Variants in TESK2 observed in about 807,000 individuals in gnomAD.
The protein encoded by TESK2 is dual specificity testis-specific protein kinase 2.
TESK2 carries 39 observed loss-of-function variants against 57.1 expected under a neutral mutation model. The ratio of observed to expected loss-of-function variants is 0.68; its 90% CI spans 0.53 to 0.89. TESK2 has a LOEUF of 0.89. Ranked by LOEUF, TESK2 falls within the 40% of genes least tolerant of loss-of-function variation. The pLI, the probability that TESK2 is intolerant of heterozygous loss-of-function variation, is 0.00. For synonymous variants in TESK2, 249 were observed against 267.9 expected (o/e 0.93, Z 0.69); for missense variants, 646 against 732.1 (o/e 0.88, Z 1.36).
intron 2 of TESK2, among the ~76,000 whole-genome samples, chr1:45,453,890 A>C (rs966380247): frequency 3.9e-5 from 6 of 152,198 alleles, no homozygotes; most frequent in Non-Finnish European, 5.9e-5. Flanking sequence ...GAAGATATAC[A>C]AAAAAGGTCA....
intron 2 of TESK2, among the ~76,000 whole-genome samples, chr1:45,436,202 T>TTTTTTTTTTTTTTTTTTTTG (rs57144942): frequency 7.8e-6 from 1 of 128,604 alleles, no homozygotes. Context: ...TTTTTTTTTT[T>TTTTTTTTTTTTTTTTTTTTG]GAGATGGAGA....
intron 3 of TESK2, among the ~76,000 whole-genome samples, chr1:45,394,323 CTTTT>C (rs35459050): frequency 1.2e-4 from 14 of 115,128 alleles, no homozygotes; most frequent in African/African-American, 2.4e-4. Context: ...CCACAGCTGG[CTTTT>C]TTTTTTTTTT....
At chr1:45,448,057 G>A (rs1430550559) in intron 2 of TESK2, among the ~76,000 whole-genome samples, 1 of 145,852 alleles carries the variant, frequency 6.9e-6, no homozygotes, top group Non-Finnish European at 1.5e-5. Context: ...TTTTTTGGTA[G>A]AGACCTTGTG....
In TESK2 at chr1:45,345,082, T is replaced by A; in HGVS notation, c.1474A>T (p.Arg492Ter). ...CGGAATGGTGGGATCTCTTTAACTCTGTACTTGAGACTACTTAGGCGTGGT... is the reference window on the plus strand; with the variant it reads ...CGGAATGGTGGGATCTCTTTAACTCAGTACTTGAGACTACTTAGGCGTGGT... ...PPPRLSSLKY[R>*]VKEIPPFRAS... The change falls in exon 11 of 11, where the codon AGA (arginine) becomes TGA (stop). Residue 492 changes from arginine to a stop codon, truncating the protein, a stop_gained. Transcript: ENST00000372086. LOFTEE classifies it high-confidence loss of function. 1 of 1,614,212 alleles carries A rather than the reference T, an allele frequency of 6.2e-7. No homozygotes were observed.
intron 2 of TESK2, among the ~76,000 whole-genome samples, chr1:45,455,472 G>A (rs1410356381): frequency 6.6e-6 from 1 of 152,160 alleles, no homozygotes; most frequent in African/African-American, 2.4e-5. Flanking sequence ...ATGAATTTGA[G>A]GTTTTCCTCC....
At chr1:45,467,087 CAA>C (rs1652582737) in intron 1 of TESK2, among the ~76,000 whole-genome samples, 1 of 152,018 alleles carries the variant, frequency 6.6e-6, no homozygotes. Flanking sequence ...GAAAGGGAAA[CAA>C]AAGAGACATC....
In TESK2 at chr1:45,347,291, C is replaced by T. The variant is rs184360175; in HGVS notation, c.709-229G>A. On this transcript the variant is annotated intron_variant, in intron 7 of 10. Coordinates refer to ENST00000372086, the MANE Select transcript of TESK2 (RefSeq NM_007170.3). ...TGGATTCTAGGGAGAATCAGCCGAGCGCGATGGCTCATGCCTGTAATCCCA... is the reference window on the plus strand; with the variant it reads ...TGGATTCTAGGGAGAATCAGCCGAGTGCGATGGCTCATGCCTGTAATCCCA... Among the ~76,000 whole-genome samples, 829 of 152,218 alleles carry T rather than the reference C, an allele frequency of 5.4e-3. 16 individuals are homozygous for T. Among genetic ancestry groups the T allele is most frequent in the Admixed American group, 0.035 (529 of 15,292 alleles).
intron 2 of TESK2, among the ~76,000 whole-genome samples, chr1:45,438,307 C>T (rs1651310322): frequency 1.3e-5 from 2 of 151,968 alleles, no homozygotes; most frequent in Admixed American, 6.6e-5. Flanking sequence ...ACCAACCTGG[C>T]CAACATGGTG....
At chr1:45,414,730 C>T (rs1277955256) in intron 3 of TESK2, among the ~76,000 whole-genome samples, 3 of 152,162 alleles carry the variant, frequency 2.0e-5, no homozygotes, top group Admixed American at 6.5e-5. Flanking sequence ...TAGGCACTAG[C>T]TTCATGTGGC....
intron 3 of TESK2, among the ~76,000 whole-genome samples, chr1:45,412,573 T>C (rs2149283964): frequency 6.6e-6 from 1 of 152,312 alleles, no homozygotes; most frequent in East Asian, 1.9e-4. Flanking sequence ...CTTGCATTAA[T>C]CATGATATTA....
At chr1:45,417,692 C>T (rs759073191) in intron 3 of TESK2, among the ~76,000 whole-genome samples, 12 of 151,520 alleles carry the variant, frequency 7.9e-5, no homozygotes, top group African/African-American at 1.5e-4. Flanking sequence ...CCAGGGTTCA[C>T]GCCATTCTCC....
Position 45,401,875 on chromosome 1 carries a change from T to C in TESK2, c.345-15915A>G, listed in dbSNP as rs1649638266. On this transcript the variant is annotated intron_variant, in intron 3 of 10. Coordinates refer to ENST00000372086, the MANE Select transcript of TESK2 (RefSeq NM_007170.3). ...TTTACAAGCTTTTCTGCTGCCAACGTTGAGCAGTAAGCAGCATACATATCA... is the reference window on the plus strand; with the variant it reads ...TTTACAAGCTTTTCTGCTGCCAACGCTGAGCAGTAAGCAGCATACATATCA... Among the ~76,000 whole-genome samples, 7 of 152,224 alleles carry C rather than the reference T, an allele frequency of 4.6e-5. No individual in the cohort carries two copies. In the South Asian group the frequency reaches 1.5e-3, roughly 32 times the overall value.
chr1:45,352,766 A>G (rs1343187413), intron 5 of TESK2, among the ~76,000 whole-genome samples: 7 of 152,070 alleles, frequency 4.6e-5, no homozygotes, highest in Admixed American at 4.6e-4. Context: ...GTATCTGTGT[A>G]ACTGATACAT....
intron 3 of TESK2, among the ~76,000 whole-genome samples, chr1:45,398,542 G>A (rs190717709): frequency 1.3e-3 from 190 of 151,948 alleles, no homozygotes; most frequent in African/African-American, 4.3e-3. Flanking sequence ...GCAAGCCTCC[G>A]TTTCAAAAAA....
intron 4 of TESK2, among the ~76,000 whole-genome samples, chr1:45,358,174 G>A (rs1449223100): frequency 1.3e-5 from 2 of 151,782 alleles, no homozygotes; most frequent in African/African-American, 2.4e-5. Flanking sequence ...TTAGCCGGGC[G>A]TGGTTGCAGG....
intron 4 of TESK2, among the ~76,000 whole-genome samples, chr1:45,357,202 T>C (rs1377920199): frequency 1.2e-5 from 1 of 85,638 alleles, no homozygotes; most frequent in Non-Finnish European, 2.8e-5. Context: ...ATCTCATAAA[T>C]AAATAAATAA....
At position 45,356,507 on chromosome 1, in the gene TESK2, AG is replaced by A. The variant is rs1437697724; in HGVS notation, c.394-1059del. 1.1e-4 allele frequency among the ~76,000 whole-genome samples: 16 copies of A among 151,820 alleles called. 1 individual carries two copies. The highest frequency in any genetic ancestry group is 1.9e-4 in the Non-Finnish European group (13 of 67,984). The stretch of plus-strand genomic sequence containing the variant: ...GCTGGACGTGATGGTGCACACATGT[AG>A]TCCTAGCTACATGGGAAGATCGCCT... On this transcript the variant is annotated intron_variant, in intron 4 of 10. Coordinates refer to ENST00000372086, the MANE Select transcript of TESK2 (RefSeq NM_007170.3).
At chr1:45,411,340 G>C (rs1328198609) in intron 3 of TESK2, among the ~76,000 whole-genome samples, 2 of 152,144 alleles carry the variant, frequency 1.3e-5, no homozygotes, top group Non-Finnish European at 2.9e-5. Context: ...GTGAGGGTCA[G>C]GTGGAGGGAT....
intron 1 of TESK2, among the ~76,000 whole-genome samples, chr1:45,483,675 G>A (rs1039081214): frequency 1.3e-4 from 19 of 151,978 alleles, no homozygotes; most frequent in African/African-American, 2.4e-5. Context: ...AAGTTTTGCC[G>A]CGAGGGGGCG....
Sources: allele counts gnomAD v4.1 joint callset (sites outside exome capture counted in the v4.1 genomes callset), GRCh38; gene constraint gnomAD v4.1.1; transcripts MANE v1.5; gene names NCBI Gene and HGNC (gene_info 2026-07-23, HGNC 2026-07-21).